The following CDH22 variants were observed in gnomAD, a reference collection of about 807,000 sequenced individuals.
CDH22 encodes the protein cadherin 22.
A neutral mutation model predicts 58.4 loss-of-function variants in CDH22; 30 were observed. That is an observed-to-expected ratio of 0.51 (90% confidence interval 0.38 to 0.70). The LOEUF is 0.70. Among genes scored for constraint, CDH22 ranks in the 30% least tolerant of loss-of-function variants. The pLI is 0.00. For synonymous variants in CDH22, 513 were observed against 558.2 expected, an observed-to-expected ratio of 0.92 and a Z score of 1.14; for missense variants, 1,014 against 1,233.9, an observed-to-expected ratio of 0.82 and a Z score of 2.67.
At chr20:46,274,234 G>A (rs1300971521) in intron 1 of CDH22, among the ~76,000 whole-genome samples, 1 of 152,150 alleles carries the variant, frequency 6.6e-6, no homozygotes, top group East Asian at 1.9e-4. Context: ...TGGGCAGCAT[G>A]GAGGGAGGGG....
intron 1 of CDH22, among the ~76,000 whole-genome samples, chr20:46,260,362 C>T (rs1395368706): frequency 1.3e-5 from 2 of 152,142 alleles, no homozygotes; most frequent in East Asian, 3.9e-4. Context: ...GTCTTGAATC[C>T]ACTTCCAGCC....
At chr20:46,211,853 TA>T (rs2086045479) in intron 6 of CDH22, among the ~76,000 whole-genome samples, 1 of 151,962 alleles carries the variant, frequency 6.6e-6, no homozygotes, top group Non-Finnish European at 1.5e-5. Context: ...TACTGAACGA[TA>T]CTAGATGCAT....
intron 1 of CDH22, among the ~76,000 whole-genome samples, chr20:46,259,710 A>G (rs774270791): frequency 1.3e-5 from 2 of 152,208 alleles, no homozygotes; most frequent in Non-Finnish European, 2.9e-5. Context: ...GAGGATTTGA[A>G]CACAGGGAGA....
At chr20:46,195,352 G>C (rs2085891500) in intron 8 of CDH22, among the ~76,000 whole-genome samples, 1 of 152,212 alleles carries the variant, frequency 6.6e-6, no homozygotes, top group South Asian at 2.1e-4. Context: ...GATCTTCACT[G>C]AATACTCACA....
At chr20:46,305,573 A>C (rs1343628983) in intron 1 of CDH22, among the ~76,000 whole-genome samples, 2 of 151,324 alleles carry the variant, frequency 1.3e-5, no homozygotes, top group East Asian at 1.9e-4. Context: ...CTATTCCCTC[A>C]CTCCCTCCCA....
Position 46,210,420 on chromosome 20 carries a change from G to A in CDH22, c.1173C>T (p.Pro391=). The A allele has an allele frequency of 6.2e-6, 9 of 1,458,614 alleles. No homozygotes were observed. Among genetic ancestry groups the A allele is most frequent in the Non-Finnish European group, 8.1e-6 (9 of 1,105,556 alleles). The allele number at this position is 1,458,614 out of a possible 1,614,324, so 90.4% of individuals were successfully genotyped here. A position where few individuals can be genotyped will look rare whatever the true frequency, so the allele number is the denominator to read the frequency against. ...GGCCGGAGGGCGGCCGGAACTCGGG[G>A]GGCTCGTCCACGTCGGTCACGGCCA... is the stretch of plus-strand genomic sequence containing the variant. ...VRVAVTDVDE[P]PEFRPPSGLL... The change falls in exon 7 of 12, where the codon CCC becomes CCT. Residue 391 remains proline, a synonymous_variant. Coordinates refer to ENST00000537909, the MANE Select transcript of CDH22 (RefSeq NM_021248.3). The surrounding 1 kb of genome is among the most constrained non-coding windows in gnomAD (Gnocchi z 4.5).
chr20:46,217,846 CAT>C (rs1366246101), intron 4 of CDH22, among the ~76,000 whole-genome samples: 3 of 152,162 alleles, frequency 2.0e-5, no homozygotes, highest in African/African-American at 7.2e-5. Flanking sequence ...GACACACTAA[CAT>C]ATACACACAC....
intron 3 of CDH22, 41 bp from the exon 4 acceptor site, chr20:46,227,668 C>G (rs751256321): frequency 6.3e-7 from 1 of 1,575,286 alleles, no homozygotes; most frequent in Non-Finnish European, 8.6e-7. Context: ...TCATCTGGGG[C>G]TGCGGAGCTC....
Position 46,210,842 on chromosome 20 carries a change from G to A in CDH22, c.1033-282C>T, listed in dbSNP as rs1260449177. On this transcript the variant is annotated intron_variant, in intron 6 of 11. Transcript: ENST00000537909. This position sits in a 1 kb window ranked among gnomAD's most constrained non-coding sequence, Gnocchi z 4.5. ...TCCTGCTTCCCAGCGCAGTGTTGGCGGCATATTTCATTAGTTTAGTTCACG... is the reference window on the plus strand; with the variant it reads ...TCCTGCTTCCCAGCGCAGTGTTGGCAGCATATTTCATTAGTTTAGTTCACG... Among the ~76,000 whole-genome samples the A allele has an allele frequency of 6.6e-6, 1 of 152,206 alleles. No homozygotes were observed. The highest frequency in any genetic ancestry group is 1.5e-5 in the Non-Finnish European group (1 of 68,036).
Position 46,199,632 on chromosome 20 carries a change from C to T in CDH22, c.1287-73G>A, listed in dbSNP as rs2085940152. 3 of 1,543,462 alleles carry T rather than the reference C, an allele frequency of 1.9e-6. No homozygotes were observed. The Admixed American group carries it at 5.8e-5, about 30-fold the overall frequency. ...GGAGCCCATGTCCTTTTCTCCCAAC[C>T]CCACTCCAAGAGAGGGACCGCCTGC... is the stretch of plus-strand genomic sequence containing the variant. On this transcript the variant is annotated intron_variant, in intron 7 of 11. Coordinates refer to ENST00000537909, the MANE Select transcript of CDH22 (RefSeq NM_021248.3).
intron 4 of CDH22, among the ~76,000 whole-genome samples, chr20:46,221,474 TTCTTTCATCCTCCAG>T (rs1333601536): frequency 6.6e-6 from 1 of 152,158 alleles, no homozygotes; most frequent in Non-Finnish European, 1.5e-5. Context: ...GACACATTGG[TTCTTTCATCCTCCAG>T]TAGGCTGGCT....
At chr20:46,223,576 G>A (rs1157355781) in intron 4 of CDH22, among the ~76,000 whole-genome samples, 3 of 151,836 alleles carry the variant, frequency 2.0e-5, no homozygotes, top group Non-Finnish European at 4.4e-5. Context: ...TCTGCCCCAA[G>A]GTCACTTCCC....
intron 1 of CDH22, among the ~76,000 whole-genome samples, chr20:46,252,989 T>C (rs1413167851): frequency 1.3e-5 from 2 of 152,106 alleles, no homozygotes; most frequent in Non-Finnish European, 2.9e-5. Flanking sequence ...GGAGTGTGCA[T>C]GGTGGCTGAG....
At chr20:46,265,120 C>T (rs1391451562) in intron 1 of CDH22, among the ~76,000 whole-genome samples, 1 of 152,208 alleles carries the variant, frequency 6.6e-6, no homozygotes, top group African/African-American at 2.4e-5. Flanking sequence ...TGCTGTTTTA[C>T]ACCGCGCCCT....
intron 6 of CDH22, among the ~76,000 whole-genome samples, chr20:46,211,858 G>A (rs973960254): frequency 2.0e-5 from 3 of 151,908 alleles, no homozygotes; most frequent in African/African-American, 7.3e-5. Flanking sequence ...AACGATACTA[G>A]ATGCATGGCC....
At chr20:46,177,835 T>C (rs985835218) in intron 11 of CDH22, 111 bp downstream of exon 11, 33 of 1,372,536 alleles carry the variant, frequency 2.4e-5, no homozygotes, top group Non-Finnish European at 3.2e-5. Flanking sequence ...GGCCAGCCCA[T>C]CCTCATGTGG....
At chr20:46,282,539 T>C (rs1484006323) in intron 1 of CDH22, among the ~76,000 whole-genome samples, 2 of 152,122 alleles carry the variant, frequency 1.3e-5, no homozygotes, top group East Asian at 3.8e-4. Flanking sequence ...TAAATAAATA[T>C]TCGTAAAAGA....
At chr20:46,276,021 G>T (rs1249679190) in intron 1 of CDH22, among the ~76,000 whole-genome samples, 1 of 152,132 alleles carries the variant, frequency 6.6e-6, no homozygotes, top group Non-Finnish European at 1.5e-5. Context: ...CAGGGAGAAA[G>T]TGTGTCATCC....
intron 3 of CDH22, among the ~76,000 whole-genome samples, chr20:46,231,144 G>A (rs916690157): frequency 8.5e-5 from 13 of 152,184 alleles, no homozygotes; most frequent in African/African-American, 1.4e-4. Context: ...GCTGCTGTCC[G>A]TGGTGCTGCT....
Sources: allele counts gnomAD v4.1 joint callset (sites outside exome capture counted in the v4.1 genomes callset), GRCh38; gene constraint gnomAD v4.1.1; non-coding constraint Gnocchi (gnomAD v3.1); transcripts MANE v1.5; gene names NCBI Gene and HGNC (gene_info 2026-07-23, HGNC 2026-07-21).